Variants in EYS observed in about 807,000 individuals in gnomAD.
EYS encodes the protein EGF-like photoreceptor maintenance factor.
Under a neutral mutation model 282.1 loss-of-function variants are expected in EYS, and 250 were observed. The ratio of observed to expected loss-of-function variants is 0.89; its 90% confidence interval spans 0.80 to 0.98. EYS has a LOEUF of 0.98. Among genes scored for constraint, EYS ranks in the 50% least tolerant of loss-of-function variants. The pLI is 0.00. For synonymous variants in EYS, 1,355 were observed against 1,282.9 expected (o/e 1.06, Z -1.20); for missense variants, 4,016 against 3,709.0 (o/e 1.08, Z -2.15).
At chr6:65,280,295 CT>C (rs1768180396) in intron 12 of EYS, among the ~76,000 whole-genome samples, 2 of 152,194 alleles carry the variant, frequency 1.3e-5, no homozygotes, top group Admixed American at 1.3e-4. Flanking sequence ...ACCTCCAGCA[CT>C]GTACAACTAC....
chr6:64,908,649 G>T (rs1767902899), intron 16 of EYS, among the ~76,000 whole-genome samples: 1 of 152,046 alleles, frequency 6.6e-6, no homozygotes, highest in Non-Finnish European at 1.5e-5. Context: ...GTACAGGAAG[G>T]ACAGGTCGTC....
chr6:64,160,173 A>G (rs373923559), intron 31 of EYS, among the ~76,000 whole-genome samples: 1 of 152,192 alleles, frequency 6.6e-6, no homozygotes. Context: ...CCATTTAAAA[A>G]TAGATTTATG....
At chr6:63,751,743 A>T (rs1769344564) in intron 41 of EYS, among the ~76,000 whole-genome samples, 1 of 152,192 alleles carries the variant, frequency 6.6e-6, no homozygotes, top group Admixed American at 6.6e-5. Flanking sequence ...CTGTTGTCTA[A>T]TTGCTAACAG....
intron 1 of EYS, among the ~76,000 whole-genome samples, chr6:65,654,279 T>C (rs1326953244): frequency 6.6e-6 from 1 of 151,858 alleles, no homozygotes; most frequent in Non-Finnish European, 1.5e-5. Flanking sequence ...TCCTTTGCCT[T>C]TCTGTAATAG....
chr6:65,054,384 T>C (rs924243649), intron 13 of EYS, among the ~76,000 whole-genome samples: 1 of 152,000 alleles, frequency 6.6e-6, no homozygotes, highest in Non-Finnish European at 1.5e-5. Context: ...CCAAGAAGAA[T>C]GTAGAAGAAA....
intron 26 of EYS, among the ~76,000 whole-genome samples, chr6:64,543,243 A>G (rs559553548): frequency 1.3e-5 from 2 of 152,268 alleles, no homozygotes; most frequent in Admixed American, 6.5e-5. Context: ...ACTGCTTAGG[A>G]TAATCTAAAT....
At position 64,039,959 on chromosome 6, in the gene EYS, T is replaced by C. The variant is rs138367806; in HGVS notation, c.6725+26379A>G. On this transcript the variant is annotated intron_variant, in intron 33 of 42. Coordinates refer to ENST00000503581, the MANE Select transcript of EYS (RefSeq NM_001142800.2). ...TTTCCACATTGCATACTTAAATATG[T>C]TCTTAGAAAGATAACCTCATAGCAC... 1.3e-3 allele frequency among the ~76,000 whole-genome samples: 197 copies of C among 152,302 alleles called. 1 individual carries two copies. The highest frequency in any genetic ancestry group is 4.4e-3 in the African/African-American group (185 of 41,578).
chr6:65,604,518 G>T (rs12526479), intron 2 of EYS, among the ~76,000 whole-genome samples: 2 of 151,828 alleles, frequency 1.3e-5, no homozygotes, highest in African/African-American at 4.8e-5. Flanking sequence ...AAAATACCAA[G>T]GTGTAGGTTA....
Position 63,787,739 on chromosome 6 carries a change from C to T in EYS, c.7723+366G>A, listed in dbSNP as rs1018678800. Among the ~76,000 whole-genome samples the T allele has an allele frequency of 2.0e-5, 3 of 152,104 alleles. 1 individual carries two copies. The highest frequency in any genetic ancestry group is 1.9e-4 in the East Asian group (1 of 5,152). ...GGCGGATCACCTGAGGTCGGGAGTT[C>T]GAGACCAGCCTGACCAACATGGAGA... On this transcript the variant is annotated intron_variant, in intron 39 of 42. Transcript: ENST00000503581.
At chr6:64,625,655 G>C (rs1305521289) in intron 23 of EYS, among the ~76,000 whole-genome samples, 7 of 152,166 alleles carry the variant, frequency 4.6e-5, no homozygotes, top group Non-Finnish European at 1.0e-4. Flanking sequence ...TTCAACACAT[G>C]AATTTCAGGG....
chr6:64,055,259 A>ATT (rs141933673), intron 33 of EYS, among the ~76,000 whole-genome samples: 1 of 151,466 alleles, frequency 6.6e-6, no homozygotes, highest in Non-Finnish European at 1.5e-5. Context: ...AGTAGTGAGC[A>ATT]TTTTTTTTTC....
intron 22 of EYS, among the ~76,000 whole-genome samples, chr6:64,812,731 A>T (rs1201296627): frequency 6.6e-6 from 1 of 151,870 alleles, no homozygotes; most frequent in Non-Finnish European, 1.5e-5. Context: ...TGAGACTGAA[A>T]GGAGGTCAAG....
rs1770869670 is a variant in EYS, at chr6:64,986,638, C to A, written c.2259+10944G>T. On this transcript the variant is annotated intron_variant, in intron 14 of 42. Transcript: ENST00000503581. ...TTAGGTTCTTCATTCATCCAATTGT[C>A]TCCTCTTAGAAACAATTATAAGGGC... Among the ~76,000 whole-genome samples, 3 of 151,122 alleles carry A rather than the reference C, an allele frequency of 2.0e-5. No individual in the cohort carries two copies. The South Asian group carries it at 6.2e-4, about 31-fold the overall frequency.
At chr6:63,892,124 TA>T (rs574042267) in intron 35 of EYS, among the ~76,000 whole-genome samples, 8 of 152,132 alleles carry the variant, frequency 5.3e-5, no homozygotes, top group African/African-American at 9.7e-5. Context: ...TGCACGGGAA[TA>T]ATCAATATTG....
rs1339818194 is a variant in EYS, at chr6:64,097,015, C to G, written c.6425-15013G>C. Among the ~76,000 whole-genome samples the G allele has an allele frequency of 3.3e-5, 5 of 152,242 alleles. No homozygotes were observed. The East Asian group carries it at 7.7e-4, about 24-fold the overall frequency. On this transcript the variant is annotated intron_variant, in intron 31 of 42. Coordinates refer to ENST00000503581, the MANE Select transcript of EYS (RefSeq NM_001142800.2). ...GGTCTGTTGGAGTTTGCTGGAGGTC[C>G]ACTCCAGACCCTTTTTGCCTGGGTA...
chr6:65,523,039 A>C (rs1767429002), intron 2 of EYS, among the ~76,000 whole-genome samples: 1 of 152,182 alleles, frequency 6.6e-6, no homozygotes, highest in African/African-American at 2.4e-5. Flanking sequence ...ATTACATGTA[A>C]ATAGAACCTT....
At chr6:65,381,506 T>G (rs556573096) in intron 8 of EYS, among the ~76,000 whole-genome samples, 1 of 151,534 alleles carries the variant, frequency 6.6e-6, no homozygotes, top group South Asian at 2.1e-4. Context: ...TTAGGACAAA[T>G]ACCTAATGCA....
chr6:64,314,101 C>T (rs1769835736), intron 29 of EYS, among the ~76,000 whole-genome samples: 1 of 144,174 alleles, frequency 6.9e-6, no homozygotes, highest in African/African-American at 2.6e-5. Context: ...AGACCCTTCG[C>T]TGTGCTGTAT....
intron 2 of EYS, among the ~76,000 whole-genome samples, chr6:65,591,350 C>T (rs1266361365): frequency 3.3e-5 from 5 of 150,568 alleles, no homozygotes; most frequent in African/African-American, 4.9e-5. Context: ...TATACTTAAT[C>T]TGTGTGTGTG....
Sources: gnomAD v4.1 joint callset for allele counts (sites outside exome capture counted in the v4.1 genomes callset) on GRCh38, gnomAD v4.1.1 for gene constraint, MANE v1.5 for transcripts, NCBI Gene and HGNC (gene_info 2026-07-23, HGNC 2026-07-21) for gene names.